The following ATRN variants were observed in gnomAD, a reference collection of about 807,000 sequenced individuals.
ATRN encodes the protein attractin-2.
A neutral mutation model predicts 178.7 loss-of-function variants in ATRN; 54 were observed. That is an observed-to-expected ratio of 0.30 (90% CI 0.24 to 0.38). The LOEUF (loss-of-function observed/expected upper bound fraction) is 0.38. ATRN is among the 10% of genes least tolerant of loss of function. The probability of loss-of-function intolerance (pLI) is 1.00; values close to 1 mark genes in which losing one functional copy is unlikely to be tolerated. For missense variants in ATRN, 1,443 were observed against 1,815.1 expected, an observed-to-expected ratio of 0.79 and a Z score of 3.73; for synonymous variants, 636 against 663.0, an observed-to-expected ratio of 0.96 and a Z score of 0.63.
chr20:3,537,454 A>G (rs548887770), intron 2 of ATRN, among the ~76,000 whole-genome samples: 123 of 151,902 alleles, frequency 8.1e-4, no homozygotes, highest in Admixed American at 3.1e-3. Flanking sequence ...CTGTGCTTCT[A>G]TTAAGCAAAA....
intron 24 of ATRN, among the ~76,000 whole-genome samples, chr20:3,623,960 G>T (rs1195765068): frequency 6.6e-6 from 1 of 152,172 alleles, no homozygotes; most frequent in African/African-American, 2.4e-5. Context: ...TTCTTGGTAT[G>T]AAGACTATTA....
chr20:3,638,703 A>G lies in ATRN; in HGVS notation c.3943-125A>G, dbSNP rs2087043914. 1 of 751,256 alleles carries G rather than the reference A, an allele frequency of 1.3e-6. No homozygotes were observed. The highest frequency in any genetic ancestry group is 2.7e-5 in the East Asian group (1 of 36,908). 46.5% of individuals were successfully genotyped at this position (751,256 alleles called of 1,614,324 possible). On this transcript the variant is annotated intron_variant, in intron 26 of 28. Transcript: ENST00000262919. This position sits in a 1 kb window ranked among gnomAD's most constrained non-coding sequence, Gnocchi z 4.5. Reference sequence around the variant, plus strand: ...TAATGTTATCTAATATCAAGTCTAAAAAGTATCATTTTGGACTTGATTTGT... The same window carrying G: ...TAATGTTATCTAATATCAAGTCTAAGAAGTATCATTTTGGACTTGATTTGT...
At chr20:3,483,066 C>T (rs777875366) in intron 1 of ATRN, among the ~76,000 whole-genome samples, 4 of 152,144 alleles carry the variant, frequency 2.6e-5, no homozygotes, top group Non-Finnish European at 4.4e-5. Flanking sequence ...CCAGAGGTAA[C>T]TAGTATGGTG....
Position 3,471,055 on chromosome 20 carries a change from G to A in ATRN, c.-53G>A. 2 of 1,462,098 alleles carry A rather than the reference G, an allele frequency of 1.4e-6. No individual in the cohort carries two copies. The highest frequency in any genetic ancestry group is 1.8e-6 in the Non-Finnish European group (2 of 1,113,902). 90.6% of individuals were successfully genotyped at this position (1,462,098 alleles called of 1,614,324 possible). A position where few individuals can be genotyped will look rare whatever the true frequency, so the allele number is the denominator to read the frequency against. On this transcript the variant is annotated 5_prime_UTR_variant, in exon 1 of 29. Coordinates refer to ENST00000262919, the MANE Select transcript of ATRN (RefSeq NM_139321.3). ...CGCACGGCCAGGCGAAGCGGAGCCG[G>A]CCGTGCGGTGTGTGTGTATGTGTTC...
chr20:3,577,344 T>C (rs2086226657), intron 14 of ATRN, among the ~76,000 whole-genome samples: 1 of 152,184 alleles, frequency 6.6e-6, no homozygotes, highest in Non-Finnish European at 1.5e-5. Context: ...GAGCACTTTA[T>C]GGAGAGTACT....
intron 18 of ATRN, among the ~76,000 whole-genome samples, chr20:3,588,431 A>G (rs1247484531): frequency 2.0e-5 from 3 of 152,130 alleles, no homozygotes; most frequent in Non-Finnish European, 4.4e-5. Context: ...TTCTGTGTCT[A>G]CTTAGATGAT....
At chr20:3,529,181 A>G (rs901614520) in intron 1 of ATRN, among the ~76,000 whole-genome samples, 1 of 151,898 alleles carries the variant, frequency 6.6e-6, no homozygotes, top group African/African-American at 2.4e-5. Context: ...GTGCATACCT[A>G]CTGGAATAAG....
chr20:3,596,981 T>C (rs1310006231), intron 21 of ATRN, among the ~76,000 whole-genome samples: 1 of 151,078 alleles, frequency 6.6e-6, no homozygotes, highest in Non-Finnish European at 1.5e-5. Context: ...ATATCCATTG[T>C]AATTATATAC....
At chr20:3,605,247 A>C (rs1409217662) in intron 24 of ATRN, among the ~76,000 whole-genome samples, 1 of 152,196 alleles carries the variant, frequency 6.6e-6, no homozygotes, top group African/African-American at 2.4e-5. Context: ...TTAAAAAGTC[A>C]AAAAAGAACA....
intron 1 of ATRN, among the ~76,000 whole-genome samples, chr20:3,513,882 T>A (rs1189956402): frequency 6.6e-6 from 1 of 152,194 alleles, no homozygotes; most frequent in Admixed American, 6.5e-5. Flanking sequence ...ACTCATGATT[T>A]GGCTCTCTGT....
At chr20:3,637,279 CAAT>C (rs2087032280) in intron 26 of ATRN, among the ~76,000 whole-genome samples, 1 of 152,156 alleles carries the variant, frequency 6.6e-6, no homozygotes, top group African/African-American at 2.4e-5. Flanking sequence ...TTTTTAAAAA[CAAT>C]AGTAGTAGCG....
chr20:3,576,707 A>ATCTATCTG, intron 13 of ATRN, 152 bp from the exon 14 acceptor site: 1 of 450,250 alleles, frequency 2.2e-6, no homozygotes. Context: ...CTATCTATCT[A>ATCTATCTG]TCTATCTATC....
chr20:3,550,276 A>G (rs764796177), intron 6 of ATRN, among the ~76,000 whole-genome samples: 17 of 152,122 alleles, frequency 1.1e-4, no homozygotes, highest in Non-Finnish European at 2.2e-4. Context: ...TGAAGATCAG[A>G]TGGTTGTAGG....
intron 3 of ATRN, among the ~76,000 whole-genome samples, chr20:3,544,826 GTT>G (rs11481668): frequency 1.2e-4 from 16 of 138,606 alleles, no homozygotes; most frequent in Admixed American, 2.2e-4. Context: ...ACTCAGTAAG[GTT>G]TTTTTTTTTT....
rs1555815681 is a variant in ATRN, at chr20:3,554,305, T to TTTTTTTTATTTATTTA, written c.1112+4970_1112+4971insTTTTATTTATTTATTT. On this transcript the variant is annotated intron_variant, in intron 6 of 28. Coordinates refer to ENST00000262919, the MANE Select transcript of ATRN (RefSeq NM_139321.3). ...TGTTTCTGGAACTTAGATTACAGAT[T>TTTTTTTTATTTATTTA]TTTATTTATTTATTTATTTATTTAT... 6.5e-5 allele frequency among the ~76,000 whole-genome samples: 9 copies of TTTTTTTTATTTATTTA among 139,236 alleles called. No homozygotes were observed. In the South Asian group the frequency reaches 7.1e-4, roughly 11 times the overall value. 91.3% of individuals were successfully genotyped at this position (139,236 alleles called of 152,430 possible).
intron 1 of ATRN, among the ~76,000 whole-genome samples, chr20:3,475,486 A>G (rs1160923082): frequency 6.6e-6 from 1 of 152,240 alleles, no homozygotes; most frequent in Non-Finnish European, 1.5e-5. Context: ...AGGATAAGTT[A>G]AAGGATGTCA....
At chr20:3,521,914 T>G (rs1600069624) in intron 1 of ATRN, among the ~76,000 whole-genome samples, 1 of 152,224 alleles carries the variant, frequency 6.6e-6, no homozygotes, top group East Asian at 1.9e-4. Context: ...CCTGAGTAGC[T>G]GGGACTACAG....
chr20:3,513,249 A>G (rs1217295383), intron 1 of ATRN, among the ~76,000 whole-genome samples: 5 of 152,174 alleles, frequency 3.3e-5, no homozygotes, highest in South Asian at 2.1e-4. Context: ...TAGGTCTAAC[A>G]TTTAAGTCTT....
At chr20:3,520,636 A>T (rs2085281209) in intron 1 of ATRN, among the ~76,000 whole-genome samples, 2 of 152,096 alleles carry the variant, frequency 1.3e-5, no homozygotes, top group Admixed American at 1.3e-4. Context: ...TTGGGATTAT[A>T]GGAGTGTGCC....
Sources: gnomAD v4.1 joint callset for allele counts (sites outside exome capture counted in the v4.1 genomes callset) on GRCh38, gnomAD v4.1.1 for gene constraint, Gnocchi (gnomAD v3.1) non-coding constraint, MANE v1.5 for transcripts, NCBI Gene and HGNC (gene_info 2026-07-23, HGNC 2026-07-21) for gene names.